The following PEX5L variants were observed in gnomAD, a reference collection of about 807,000 sequenced individuals.
PEX5L encodes the protein peroxisomal biogenesis factor 5 like, also known as PEX5-related protein.
PEX5L carries 30 observed loss-of-function variants against 84.0 expected under a neutral mutation model. The ratio of observed to expected loss-of-function variants is 0.36; its 90% CI spans 0.27 to 0.48. PEX5L has a LOEUF of 0.48. PEX5L is among the 20% of genes least tolerant of loss of function. The pLI, the probability that PEX5L is intolerant of heterozygous loss-of-function variation, is 0.99. For missense variants in PEX5L, 533 were observed against 754.6 expected (o/e 0.71, Z 3.44); for synonymous variants, 270 against 283.1 (o/e 0.95, Z 0.46).
chr3:179,925,091 C>T (rs923991387), intron 2 of PEX5L, among the ~76,000 whole-genome samples: 15 of 152,126 alleles, frequency 9.9e-5, no homozygotes, highest in Admixed American at 8.5e-4. Context: ...TTCCCTTTCC[C>T]AGGGAGGTTG....
intron 1 of PEX5L, among the ~76,000 whole-genome samples, chr3:179,984,269 A>G (rs186754094): frequency 6.6e-6 from 1 of 152,262 alleles, no homozygotes; most frequent in African/African-American, 2.4e-5. Flanking sequence ...AGAAGCAGAT[A>G]TGATAGTCTA....
At chr3:179,920,052 T>A (rs1490247851) in intron 2 of PEX5L, among the ~76,000 whole-genome samples, 1 of 152,176 alleles carries the variant, frequency 6.6e-6, no homozygotes, top group Non-Finnish European at 1.5e-5. Flanking sequence ...CTTTCTTAAC[T>A]CTGTGCAGAG....
At chr3:179,923,559 T>A (rs1271430281) in intron 2 of PEX5L, among the ~76,000 whole-genome samples, 1 of 152,244 alleles carries the variant, frequency 6.6e-6, no homozygotes, top group Non-Finnish European at 1.5e-5. Context: ...GCTATCAAGC[T>A]GTGTTTCAAT....
chr3:179,822,866 T>C (rs1320114274), intron 8 of PEX5L, among the ~76,000 whole-genome samples: 1 of 152,218 alleles, frequency 6.6e-6, no homozygotes, highest in African/African-American at 2.4e-5. Flanking sequence ...ATATGCAGCA[T>C]GGTGGTTAAG....
At chr3:179,908,672 T>C (rs2109156291) in intron 2 of PEX5L, among the ~76,000 whole-genome samples, 1 of 142,898 alleles carries the variant, frequency 7.0e-6, no homozygotes, top group South Asian at 2.4e-4. Flanking sequence ...CCTGTGTCCA[T>C]GTGTTCTCAT....
chr3:180,010,715 A>C (rs1403543187), intron 1 of PEX5L, among the ~76,000 whole-genome samples: 8 of 151,896 alleles, frequency 5.3e-5, no homozygotes, highest in Admixed American at 5.3e-4. Flanking sequence ...AATCTCATAC[A>C]TTTATCTATA....
intron 8 of PEX5L, among the ~76,000 whole-genome samples, chr3:179,832,807 C>G (rs1482048845): frequency 6.7e-6 from 1 of 149,752 alleles, no homozygotes; most frequent in African/African-American, 2.5e-5. Flanking sequence ...TATCTACCCA[C>G]AAACCTACTT....
chr3:179,996,726 A>G (rs1176415014), intron 1 of PEX5L, among the ~76,000 whole-genome samples: 1 of 152,184 alleles, frequency 6.6e-6, no homozygotes, highest in Non-Finnish European at 1.5e-5. Context: ...CTCAACTACA[A>G]AATTTAAATA....
At chr3:179,992,521 G>GA (rs1322100957) in intron 1 of PEX5L, among the ~76,000 whole-genome samples, 1 of 152,144 alleles carries the variant, frequency 6.6e-6, no homozygotes, top group East Asian at 1.9e-4. Context: ...ATGCAGATGA[G>GA]AAAAATCAAT....
intron 2 of PEX5L, among the ~76,000 whole-genome samples, chr3:179,964,078 T>C (rs1331222316): frequency 6.6e-6 from 1 of 152,130 alleles, no homozygotes; most frequent in Non-Finnish European, 1.5e-5. Context: ...TATTTCATTA[T>C]TCCTGTGAAT....
rs1716605511 is a variant in PEX5L, at chr3:179,795,564, A to G, written c.*6264T>C. 6.6e-6 allele frequency: 1 copy of G among 151,740 alleles called. No homozygotes were observed. Among genetic ancestry groups the G allele is most frequent in the Non-Finnish European group, 1.5e-5 (1 of 68,016 alleles). The allele number at this position is 151,740 out of a possible 1,614,324, so 9.4% of individuals were successfully genotyped here. A position where few individuals can be genotyped will look rare whatever the true frequency, so the allele number is the denominator to read the frequency against. On this transcript the variant is annotated 3_prime_UTR_variant, in exon 15 of 15. Transcript: ENST00000467460. ...CACATAATATGCCAATCACTTTAAA[A>G]TCCCCTCCCCCCCATTGCCATTAAT...
chr3:179,795,931 A>T lies in PEX5L; in HGVS notation c.*5897T>A, dbSNP rs1272922604. ...GCAATGTAAATTGAAAGTTTGGGTT[A>T]GATGATATATAGGGAACATGAAAGG... On this transcript the variant is annotated 3_prime_UTR_variant, in exon 15 of 15. Transcript: ENST00000467460. The T allele has an allele frequency of 1.3e-5, 2 of 152,200 alleles. No homozygotes were observed. The highest frequency in any genetic ancestry group is 2.9e-5 in the Non-Finnish European group (2 of 68,028). The allele number at this position is 152,200 out of a possible 1,614,324, so 9.4% of individuals were successfully genotyped here. A position where few individuals can be genotyped will look rare whatever the true frequency, so the allele number is the denominator to read the frequency against.
chr3:179,837,949 TGATGGCCATA>T (rs1735611189), intron 8 of PEX5L, among the ~76,000 whole-genome samples: 1 of 152,192 alleles, frequency 6.6e-6, no homozygotes, highest in Non-Finnish European at 1.5e-5. Flanking sequence ...ATTATCCTCC[TGATGGCCATA>T]GAGTAGTCTT....
chr3:179,972,579 G>A (rs907395505), intron 1 of PEX5L, among the ~76,000 whole-genome samples: 3 of 152,054 alleles, frequency 2.0e-5, no homozygotes, highest in African/African-American at 7.2e-5. Flanking sequence ...TTATTTTAAA[G>A]ATTCTTGCTT....
chr3:179,925,334 T>G (rs1771120563), intron 2 of PEX5L, among the ~76,000 whole-genome samples: 1 of 149,122 alleles, frequency 6.7e-6, no homozygotes, highest in South Asian at 2.1e-4. Context: ...CATCATGCCC[T>G]ATCCATAAAC....
In PEX5L at chr3:179,831,466, T is replaced by A. The variant is rs1732923421; in HGVS notation, c.823-11490A>T. On this transcript the variant is annotated intron_variant, in intron 8 of 14. Transcript: ENST00000467460. ...AAAGTAATCATATTACACTTTCACA[T>A]TAAATTAATTTATTCAGAAACATTA... Among the ~76,000 whole-genome samples the A allele has an allele frequency of 2.0e-5, 3 of 152,222 alleles. No individual in the cohort carries two copies. In the South Asian group the frequency reaches 6.2e-4, roughly 31 times the overall value.
intron 2 of PEX5L, among the ~76,000 whole-genome samples, chr3:179,928,340 T>C (rs1426013207): frequency 6.6e-6 from 1 of 152,146 alleles, no homozygotes; most frequent in Non-Finnish European, 1.5e-5. Flanking sequence ...ATTTTCAGCC[T>C]GTGATCCAAC....
intron 8 of PEX5L, among the ~76,000 whole-genome samples, chr3:179,851,968 A>G (rs764362329): frequency 6.6e-6 from 1 of 152,186 alleles, no homozygotes; most frequent in African/African-American, 2.4e-5. Context: ...GGAGTATTAA[A>G]TGGTGTTAGG....
Position 180,023,460 on chromosome 3 carries a change from C to A in PEX5L, c.21+13119G>T, listed in dbSNP as rs115840268. Among the ~76,000 whole-genome samples, 542 of 152,284 alleles carry A rather than the reference C, an allele frequency of 3.6e-3. 2 individuals carry two copies. The highest frequency in any genetic ancestry group is 6.7e-3 in the Non-Finnish European group (456 of 68,036). On this transcript the variant is annotated intron_variant, in intron 1 of 14. Transcript: ENST00000467460. ...CTCTGAAGAATTAGGAGAGGCTGAT[C>A]TTTGGCTTCGTAAGAAATATCAAGC...
Sources: allele counts gnomAD v4.1 joint callset (sites outside exome capture counted in the v4.1 genomes callset), GRCh38; gene constraint gnomAD v4.1.1; transcripts MANE v1.5; gene names NCBI Gene and HGNC (gene_info 2026-07-23, HGNC 2026-07-21).